The following EXOC6B variants were observed in gnomAD, a reference collection of about 807,000 sequenced individuals.
EXOC6B encodes SEC15 homolog B.
A neutral mutation model predicts 113.5 loss-of-function variants in EXOC6B; 54 were observed. The ratio of observed to expected loss-of-function variants is 0.48; its 90% CI spans 0.38 to 0.60. EXOC6B has a LOEUF of 0.60. Ranked by LOEUF, EXOC6B falls within the 20% of genes least tolerant of loss-of-function variation. EXOC6B has a pLI of 0.00. For synonymous variants in EXOC6B, 357 were observed against 339.0 expected (o/e 1.05, Z -0.58); for missense variants, 797 against 977.5 (o/e 0.82, Z 2.46).
At chr2:72,761,744 A>C (rs1421137386) in intron 1 of EXOC6B, among the ~76,000 whole-genome samples, 1 of 152,196 alleles carries the variant, frequency 6.6e-6, no homozygotes, top group African/African-American at 2.4e-5. Flanking sequence ...AAAGAAAAGA[A>C]TATCTTCCTT....
chr2:72,221,865 T>C (rs1680886031), intron 20 of EXOC6B, among the ~76,000 whole-genome samples: 2 of 152,232 alleles, frequency 1.3e-5, no homozygotes, highest in African/African-American at 2.4e-5. Context: ...TGACGTTATA[T>C]CTGAAAATCA....
intron 20 of EXOC6B, among the ~76,000 whole-genome samples, chr2:72,317,541 G>A (rs183960702): frequency 0.013 from 1,901 of 147,752 alleles, 19 homozygotes; most frequent in Non-Finnish European, 0.017. Context: ...AGAACACAGG[G>A]AAGCATGTAT....
chr2:72,429,799 TCCCAACA>T (rs1320515898), intron 18 of EXOC6B, among the ~76,000 whole-genome samples: 1 of 152,114 alleles, frequency 6.6e-6, no homozygotes, highest in East Asian at 1.9e-4. Flanking sequence ...GAATTATCCA[TCCCAACA>T]TGTCAATGGT....
chr2:72,433,224 T>G (rs1695652228), intron 18 of EXOC6B, among the ~76,000 whole-genome samples: 1 of 151,454 alleles, frequency 6.6e-6, no homozygotes, highest in South Asian at 2.1e-4. Flanking sequence ...GTTGTAGATG[T>G]GTGGTGTTAT....
chr2:72,330,320 G>C (rs1453290285), intron 20 of EXOC6B, among the ~76,000 whole-genome samples: 1 of 152,016 alleles, frequency 6.6e-6, no homozygotes, highest in African/African-American at 2.4e-5. Context: ...GTAAATAGTA[G>C]CATTTAATGA....
At chr2:72,527,262 A>C (rs2105740533) in intron 8 of EXOC6B, among the ~76,000 whole-genome samples, 2 of 152,174 alleles carry the variant, frequency 1.3e-5, no homozygotes, top group Non-Finnish European at 2.9e-5. Flanking sequence ...AGTTATTTTA[A>C]AACATACAGT....
chr2:72,753,759 T>C (rs1027024608), intron 1 of EXOC6B, among the ~76,000 whole-genome samples: 12 of 152,116 alleles, frequency 7.9e-5, no homozygotes, highest in Non-Finnish European at 1.6e-4. Context: ...CAACTCTACT[T>C]GAAGTTCCTT....
intron 6 of EXOC6B, among the ~76,000 whole-genome samples, chr2:72,626,271 G>A (rs1672043694): frequency 1.3e-5 from 2 of 152,002 alleles, no homozygotes; most frequent in Non-Finnish European, 2.9e-5. Context: ...ATCAAGAAGA[G>A]AAAAAACACT....
At position 72,575,664 on chromosome 2, in the gene EXOC6B, T is replaced by C; in HGVS notation, c.674A>G (p.Gln225Arg). 6.3e-7 allele frequency: 1 copy of C among 1,597,638 alleles called. No homozygotes were observed. ...GATGTTATCCAGGTTTCTTTGCTGC[T>C]GGGCCTAGGATAGAGAAGAACACAC... The part of the protein sequence containing the change: ...KIGETAMKQA[Q>R]QQRNLDNIVL... Residue 225 changes from glutamine (Q) to arginine (R), a missense_variant, in exon 7 of 22, where the codon CAG becomes CGG. Coordinates refer to ENST00000272427, the MANE Select transcript of EXOC6B (RefSeq NM_015189.3).
chr2:72,700,134 G>T (rs534061980), intron 6 of EXOC6B, among the ~76,000 whole-genome samples: 37 of 151,704 alleles, frequency 2.4e-4, no homozygotes, highest in African/African-American at 8.7e-4. Flanking sequence ...TTATATTGTT[G>T]TTTTTTATTG....
At position 72,522,131 on chromosome 2, in the gene EXOC6B, G is replaced by T. The variant is rs577179348; in HGVS notation, c.916-7005C>A. Among the ~76,000 whole-genome samples the T allele has an allele frequency of 3.6e-3, 552 of 152,142 alleles. 3 individuals carry two copies. The highest frequency in any genetic ancestry group is 0.012 in the African/African-American group (493 of 41,506). On this transcript the variant is annotated intron_variant, in intron 8 of 21. Coordinates refer to ENST00000272427, the MANE Select transcript of EXOC6B (RefSeq NM_015189.3). ...GTTAAAAAGAAATGATATAAGAAGG[G>T]CTAAATAACCACAGCACATATCCTA...
chr2:72,435,972 G>A (rs1366815381), intron 18 of EXOC6B, among the ~76,000 whole-genome samples: 1 of 152,166 alleles, frequency 6.6e-6, no homozygotes, highest in East Asian at 1.9e-4. Context: ...CACATTAGTT[G>A]ATGCAGTTTC....
chr2:72,425,331 C>A (rs867644169), intron 18 of EXOC6B, among the ~76,000 whole-genome samples: 2 of 152,202 alleles, frequency 1.3e-5, no homozygotes, highest in Middle Eastern at 3.4e-3. Context: ...TCTCAAGTGT[C>A]ATTAACTATA....
intron 11 of EXOC6B, among the ~76,000 whole-genome samples, chr2:72,508,437 T>A (rs1177052067): frequency 6.6e-6 from 1 of 152,094 alleles, no homozygotes; most frequent in Non-Finnish European, 1.5e-5. Context: ...ATAAATAGCA[T>A]ATTTTAAAAA....
At position 72,380,466 on chromosome 2, in the gene EXOC6B, A is replaced by C. The variant is rs1572998686; in HGVS notation, c.1981-596T>G. ...CATCCTGGCTAACACGGTGAAACCC[A>C]ATCTCTACTAAAAATGCAAAAAAAT... On this transcript the variant is annotated intron_variant, in intron 18 of 21. Coordinates refer to ENST00000272427, the MANE Select transcript of EXOC6B (RefSeq NM_015189.3). Among the ~76,000 whole-genome samples, 4 of 152,124 alleles carry C rather than the reference A, an allele frequency of 2.6e-5. 1 individual carries two copies. The East Asian group carries it at 7.7e-4, about 29-fold the overall frequency.
At chr2:72,431,485 T>TTATCTATCTATCTATCTATCTATC (rs3062440) in intron 18 of EXOC6B, among the ~76,000 whole-genome samples, 47 of 133,782 alleles carry the variant, frequency 3.5e-4, no homozygotes, top group Non-Finnish European at 4.3e-4. Flanking sequence ...CTTGATTTCT[T>TTATCTATCTATCTATCTATCTATC]TATCTATCTA....
At position 72,768,384 on chromosome 2, in the gene EXOC6B, C is replaced by T. The variant is rs868468038; in HGVS notation, c.114-26915G>A. 8.0e-5 allele frequency among the ~76,000 whole-genome samples: 12 copies of T among 150,686 alleles called. No homozygotes were observed. The South Asian group carries it at 1.3e-3, about 16-fold the overall frequency. ...TCGGCTCACTGCAACCTCCGCCTAC[C>T]GGGTTCAAGCCATTCTCTTGCCGCA... On this transcript the variant is annotated intron_variant, in intron 1 of 21. Coordinates refer to ENST00000272427, the MANE Select transcript of EXOC6B (RefSeq NM_015189.3).
At chr2:72,354,834 T>G (rs1356461487) in intron 19 of EXOC6B, among the ~76,000 whole-genome samples, 1 of 152,206 alleles carries the variant, frequency 6.6e-6, no homozygotes. Context: ...GTAGGCATGG[T>G]CAGATAAGAG....
At chr2:72,312,352 G>C (rs1687241435) in intron 20 of EXOC6B, among the ~76,000 whole-genome samples, 1 of 151,520 alleles carries the variant, frequency 6.6e-6, no homozygotes, top group Non-Finnish European at 1.5e-5. Flanking sequence ...ATGAGGTAGA[G>C]ACATGTGAAT....
Sources: gnomAD v4.1 joint callset for allele counts (sites outside exome capture counted in the v4.1 genomes callset) on GRCh38, gnomAD v4.1.1 for gene constraint, MANE v1.5 for transcripts, NCBI Gene and HGNC (gene_info 2026-07-23, HGNC 2026-07-21) for gene names.